Variants in DLGAP2 observed in about 807,000 individuals in gnomAD.
DLGAP2 encodes DLG associated protein 2, also known as disks large-associated protein 2.
Under a neutral mutation model 100.3 loss-of-function variants are expected in DLGAP2, and 26 were observed. The observed-to-expected ratio is 0.26, with a 90% CI of 0.19 to 0.36. DLGAP2 has a LOEUF of 0.36. Among genes scored for constraint, DLGAP2 ranks in the 10% least tolerant of loss-of-function variants. The probability of loss-of-function intolerance (pLI) is 1.00; values close to 1 mark genes in which losing one functional copy is unlikely to be tolerated. For synonymous variants in DLGAP2, 886 were observed against 630.1 expected (o/e 1.41, Z -6.08); for missense variants, 1,858 against 1,453.2 (o/e 1.28, Z -4.53).
At chr8:1,321,844 G>GA (rs1294151540) in intron 3 of DLGAP2, among the ~76,000 whole-genome samples, 1 of 152,108 alleles carries the variant, frequency 6.6e-6, no homozygotes, top group Non-Finnish European at 1.5e-5. Context: ...GATAAACAAG[G>GA]GTTCCTTTCT....
intron 2 of DLGAP2, among the ~76,000 whole-genome samples, chr8:1,168,041 C>T (rs532447377): frequency 3.4e-5 from 4 of 117,760 alleles, no homozygotes; most frequent in African/African-American, 1.3e-4. Context: ...CTCCCCCCAC[C>T]CCACAACAGT....
At chr8:1,509,968 G>C (rs1800102695) in intron 4 of DLGAP2, among the ~76,000 whole-genome samples, 1 of 152,198 alleles carries the variant, frequency 6.6e-6, no homozygotes, top group South Asian at 2.1e-4. Flanking sequence ...TAATACTCCA[G>C]ACAGATGTCC....
chr8:1,246,050 G>A (rs1450572051), intron 2 of DLGAP2, among the ~76,000 whole-genome samples: 6 of 152,172 alleles, frequency 3.9e-5, no homozygotes, highest in Non-Finnish European at 1.5e-5. Context: ...TGCTATTTAT[G>A]TACTATCAGT....
At chr8:1,324,560 C>G (rs1800977905) in intron 3 of DLGAP2, among the ~76,000 whole-genome samples, 1 of 152,178 alleles carries the variant, frequency 6.6e-6, no homozygotes, top group Non-Finnish European at 1.5e-5. Flanking sequence ...GTCCAGGACA[C>G]AGTGTTACAT....
intron 1 of DLGAP2, among the ~76,000 whole-genome samples, chr8:843,844 C>T (rs755924358): frequency 7.2e-5 from 11 of 152,170 alleles, no homozygotes; most frequent in African/African-American, 9.7e-5. Context: ...CATTTCTTCA[C>T]GGGTATTAAG....
intron 3 of DLGAP2, among the ~76,000 whole-genome samples, chr8:1,362,665 C>T (rs1489049396): frequency 6.6e-6 from 1 of 152,204 alleles, no homozygotes; most frequent in Non-Finnish European, 1.5e-5. Context: ...TTTACAGTGG[C>T]AGGCAGTGCT....
intron 1 of DLGAP2, among the ~76,000 whole-genome samples, chr8:789,323 G>T (rs977772645): frequency 4.6e-5 from 7 of 152,254 alleles, no homozygotes; most frequent in African/African-American, 1.7e-4. Flanking sequence ...CGAAGGGGAA[G>T]TAGGCATATC....
chr8:1,496,915 C>G (rs984299827), intron 3 of DLGAP2, among the ~76,000 whole-genome samples: 1 of 152,148 alleles, frequency 6.6e-6, no homozygotes, highest in African/African-American at 2.4e-5. Flanking sequence ...ACAGCTCCCC[C>G]AAGATGGTTT....
intron 4 of DLGAP2, among the ~76,000 whole-genome samples, chr8:1,524,969 G>T (rs73672787): frequency 7.7e-4 from 117 of 152,242 alleles, no homozygotes; most frequent in African/African-American, 2.7e-3. Flanking sequence ...TGGTGGTTTT[G>T]CGGGGAGATT....
intron 2 of DLGAP2, among the ~76,000 whole-genome samples, chr8:1,111,750 G>A (rs1247433172): frequency 1.3e-5 from 2 of 152,120 alleles, no homozygotes; most frequent in African/African-American, 4.8e-5. Flanking sequence ...TTCTTTTTAT[G>A]GCTGTATAGT....
At chr8:1,221,194 G>A (rs1056620607) in intron 2 of DLGAP2, among the ~76,000 whole-genome samples, 2 of 152,194 alleles carry the variant, frequency 1.3e-5, no homozygotes, top group African/African-American at 4.8e-5. Flanking sequence ...TTTAGTGTCA[G>A]TGGACTATGT....
chr8:955,216 C>A (rs948398620), intron 2 of DLGAP2, among the ~76,000 whole-genome samples: 2 of 152,158 alleles, frequency 1.3e-5, no homozygotes, highest in Non-Finnish European at 2.9e-5. Context: ...GACTGCGAGC[C>A]TGTCTCAGAA....
chr8:1,082,774 T>C (rs935925074), intron 2 of DLGAP2, among the ~76,000 whole-genome samples: 2 of 152,330 alleles, frequency 1.3e-5, no homozygotes, highest in Non-Finnish European at 1.5e-5. Context: ...AACAAAACAC[T>C]ACTTTGTGGA....
chr8:867,882 C>T (rs1187764787), intron 1 of DLGAP2, among the ~76,000 whole-genome samples: 1 of 152,222 alleles, frequency 6.6e-6, no homozygotes, highest in Non-Finnish European at 1.5e-5. Flanking sequence ...GCATTTATGA[C>T]AAACATATTT....
At chr8:1,696,999 G>A in intron 13 of DLGAP2, 148 bp from the exon 14 acceptor site, 1 of 800,052 alleles carries the variant, frequency 1.2e-6, no homozygotes, top group Non-Finnish European at 1.8e-6. Context: ...TGGAAGCATG[G>A]CCTTCCCAAG....
chr8:1,473,246 C>T (rs1415961679), intron 3 of DLGAP2, among the ~76,000 whole-genome samples: 2 of 152,154 alleles, frequency 1.3e-5, no homozygotes, highest in Non-Finnish European at 2.9e-5. Context: ...ATGATTATAT[C>T]GGCTTTATTC....
chr8:1,428,131 T>A (rs1026413889), intron 3 of DLGAP2, among the ~76,000 whole-genome samples: 50 of 149,876 alleles, frequency 3.3e-4, no homozygotes, highest in African/African-American at 1.2e-3. Flanking sequence ...ATGATAAATA[T>A]AAAATAAAAA....
intron 1 of DLGAP2, among the ~76,000 whole-genome samples, chr8:836,046 A>G (rs1333896613): frequency 6.6e-6 from 1 of 152,226 alleles, no homozygotes; most frequent in African/African-American, 2.4e-5. Context: ...TTAACTCAGA[A>G]TAAATGCCGA....
At chr8:875,762 A>C (rs1393234376) in intron 1 of DLGAP2, among the ~76,000 whole-genome samples, 1 of 152,072 alleles carries the variant, frequency 6.6e-6, no homozygotes, top group Non-Finnish European at 1.5e-5. Context: ...TAGCATTTTA[A>C]GTTACTTAAG....
Sources: gnomAD v4.1 joint callset for allele counts (sites outside exome capture counted in the v4.1 genomes callset) on GRCh38, gnomAD v4.1.1 for gene constraint, MANE v1.5 for transcripts, NCBI Gene and HGNC (gene_info 2026-07-23, HGNC 2026-07-21) for gene names.